Variants in PTPRZ1 observed in about 807,000 individuals in gnomAD.
PTPRZ1 encodes the protein receptor-type tyrosine-protein phosphatase zeta.
Under a neutral mutation model 214.1 loss-of-function variants are expected in PTPRZ1, and 82 were observed. That is an observed-to-expected ratio of 0.38 (90% confidence interval 0.32 to 0.46). PTPRZ1 has a LOEUF of 0.46. PTPRZ1 is among the 20% of genes least tolerant of loss of function. The pLI is 1.00. For missense variants in PTPRZ1, 2,603 were observed against 2,748.7 expected (o/e 0.95, Z 1.19); for synonymous variants, 945 against 987.9 (o/e 0.96, Z 0.81).
At chr7:121,882,654 C>T (rs1233127730) in intron 1 of PTPRZ1, among the ~76,000 whole-genome samples, 1 of 152,104 alleles carries the variant, frequency 6.6e-6, no homozygotes, top group Non-Finnish European at 1.5e-5. Flanking sequence ...AGTGAAATGA[C>T]TGGAATAGAT....
chr7:122,008,917 C>A (rs1168037628), intron 11 of PTPRZ1, among the ~76,000 whole-genome samples: 1 of 152,002 alleles, frequency 6.6e-6, no homozygotes, highest in Non-Finnish European at 1.5e-5. Context: ...ATTCTCATTT[C>A]CTTTTGCATT....
chr7:122,030,439 G>C (rs1799337548), intron 14 of PTPRZ1, among the ~76,000 whole-genome samples: 1 of 151,940 alleles, frequency 6.6e-6, no homozygotes, highest in Non-Finnish European at 1.5e-5. Context: ...AATCATTTCT[G>C]TTTTCTTATC....
intron 1 of PTPRZ1, among the ~76,000 whole-genome samples, chr7:121,880,814 G>T (rs1247813063): frequency 6.6e-6 from 1 of 152,052 alleles, no homozygotes; most frequent in African/African-American, 2.4e-5. Flanking sequence ...AATAGGATAT[G>T]TCAAGGTGGT....
At chr7:121,903,802 C>T (rs1202197365) in intron 1 of PTPRZ1, among the ~76,000 whole-genome samples, 2 of 152,126 alleles carry the variant, frequency 1.3e-5, no homozygotes, top group Non-Finnish European at 2.9e-5. Flanking sequence ...CTTATTGTTG[C>T]TCATTTTTTG....
intron 1 of PTPRZ1, among the ~76,000 whole-genome samples, chr7:121,926,043 G>A (rs892625595): frequency 6.6e-6 from 1 of 152,118 alleles, no homozygotes; most frequent in African/African-American, 2.4e-5. Context: ...AGTGGCTCAC[G>A]CCTGTAATTC....
At chr7:122,022,004 A>T (rs958992307) in intron 13 of PTPRZ1, among the ~76,000 whole-genome samples, 2 of 152,234 alleles carry the variant, frequency 1.3e-5, no homozygotes, top group African/African-American at 4.8e-5. Context: ...GTGAAGCTAC[A>T]TTTGTAAACA....
chr7:121,892,314 A>G (rs531231103), intron 1 of PTPRZ1, among the ~76,000 whole-genome samples: 20 of 152,130 alleles, frequency 1.3e-4, no homozygotes, highest in Admixed American at 1.2e-3. Context: ...TTTTTATGTT[A>G]TGGCATTTAG....
At chr7:121,948,642 A>C (rs562882501) in intron 2 of PTPRZ1, among the ~76,000 whole-genome samples, 1 of 152,278 alleles carries the variant, frequency 6.6e-6, no homozygotes, top group Non-Finnish European at 1.5e-5. Flanking sequence ...CACTGAGATA[A>C]GAAAAGTGGC....
chr7:121,972,126 A>G (rs1209245325), intron 3 of PTPRZ1, among the ~76,000 whole-genome samples: 1 of 152,082 alleles, frequency 6.6e-6, no homozygotes, highest in Non-Finnish European at 1.5e-5. Context: ...ATGGGCTGAA[A>G]ATAGGAAGGT....
intron 6 of PTPRZ1, among the ~76,000 whole-genome samples, chr7:121,981,120 G>A (rs1183438446): frequency 6.6e-6 from 1 of 150,940 alleles, no homozygotes; most frequent in Non-Finnish European, 1.5e-5. Context: ...TCCAGCCTGG[G>A]CGGCAGCGAG....
At chr7:121,993,572 C>CAAAAAAAA (rs66916301) in intron 8 of PTPRZ1, among the ~76,000 whole-genome samples, 13 of 73,598 alleles carry the variant, frequency 1.8e-4, no homozygotes, top group African/African-American at 2.7e-4. Context: ...GAGACTGTCT[C>CAAAAAAAA]AAAAAAAAAA....
At chr7:122,038,033 G>C (rs1799600697) in intron 18 of PTPRZ1, among the ~76,000 whole-genome samples, 1 of 152,178 alleles carries the variant, frequency 6.6e-6, no homozygotes, top group African/African-American at 2.4e-5. Flanking sequence ...TGGCAGGAGA[G>C]AGAATGAGTG....
chr7:121,996,366 T>C lies in PTPRZ1; in HGVS notation c.929-16T>C, dbSNP rs1266940683. 6.4e-7 allele frequency: 1 copy of C among 1,571,416 alleles called. No individual in the cohort carries two copies. Among genetic ancestry groups the C allele is most frequent in the South Asian group, 1.2e-5 (1 of 81,588 alleles). On this transcript the variant is annotated splice_polypyrimidine_tract_variant and intron_variant, in intron 8 of 29. Transcript: ENST00000393386. ...GGCTAAGTTCTATCAACAACTGTAC[T>C]TTTTTCTCTCTGAAGTTTGTAGTTC...
intron 1 of PTPRZ1, among the ~76,000 whole-genome samples, chr7:121,903,179 T>A (rs907445735): frequency 6.6e-6 from 1 of 152,214 alleles, no homozygotes; most frequent in Non-Finnish European, 1.5e-5. Context: ...TAGCATCACT[T>A]AATTAAGGTT....
At chr7:122,034,429 T>C (rs1456774644) in intron 17 of PTPRZ1, 51 bp downstream of exon 17, 11 of 1,562,610 alleles carry the variant, frequency 7.0e-6, no homozygotes, top group Non-Finnish European at 9.7e-6. Flanking sequence ...GCCATTTTGG[T>C]GCCTTTTAAA....
chr7:122,035,980 G>A (rs1799521956), intron 17 of PTPRZ1, among the ~76,000 whole-genome samples: 1 of 152,104 alleles, frequency 6.6e-6, no homozygotes, highest in South Asian at 2.1e-4. Context: ...TGTTTTCACT[G>A]GCAGTGTGCT....
In PTPRZ1 at chr7:122,010,617, C is replaced by T. The variant is rs1392337394; in HGVS notation, c.1571C>T (p.Thr524Ile). ...ATTTCCTTGACTTCTCAGACTGTGA[C>T]TGAACTGCCACCTCACACTGTGGAA... ...KDISLTSQTV[T>I]ELPPHTVEGT... The change falls in exon 12 of 30, where the codon ACT becomes ATT. Residue 524 changes from threonine (T) to isoleucine (I), a missense_variant. Around this residue, in one of 6 missense-constraint regions of PTPRZ1, gnomAD observed 1,913 missense variants for 1,914.3 expected, o/e 1.00. Coordinates refer to ENST00000393386, the MANE Select transcript of PTPRZ1 (RefSeq NM_002851.3). 2.5e-6 allele frequency: 4 copies of T among 1,613,594 alleles called. No homozygotes were observed. The highest frequency in any genetic ancestry group is 2.2e-5 in the East Asian group (1 of 44,898).
intron 8 of PTPRZ1, 101 bp downstream of exon 8, chr7:121,984,218 A>G: frequency 9.6e-7 from 1 of 1,041,832 alleles, no homozygotes; most frequent in Non-Finnish European, 1.3e-6. Flanking sequence ...AGCTTTAGAA[A>G]TGTTTTAATT....
rs573089902 is a variant in PTPRZ1 at position 122,020,248 on chromosome 7, A to G, written c.4988+980A>G. 2.0e-5 allele frequency among the ~76,000 whole-genome samples: 3 copies of G among 152,358 alleles called. No homozygotes were observed. In the South Asian group the frequency reaches 6.2e-4, roughly 32 times the overall value. On this transcript the variant is annotated intron_variant, in intron 13 of 29. Coordinates refer to ENST00000393386, the MANE Select transcript of PTPRZ1 (RefSeq NM_002851.3). ...TGTGTTAACCATCAGGAAATATCAA[A>G]AATGAACAAATGAATGAAAAAAGAG...
Sources: gnomAD v4.1 joint callset for allele counts (sites outside exome capture counted in the v4.1 genomes callset) on GRCh38, gnomAD v4.1.1 for gene constraint, gnomAD v4.1.1 regional missense constraint, MANE v1.5 for transcripts, NCBI Gene and HGNC (gene_info 2026-07-23, HGNC 2026-07-21) for gene names.